The following ATP2B1 variants were observed in gnomAD, a reference collection of about 807,000 sequenced individuals.
ATP2B1 encodes the protein ATPase plasma membrane Ca2+ transporting 1.
In ATP2B1, 14 loss-of-function variants were observed where a neutral mutation model predicts 124.2. The observed-to-expected ratio is 0.11, with a 90% confidence interval of 0.07 to 0.18. The LOEUF (loss-of-function observed/expected upper bound fraction) is 0.18, where lower values mean the gene tolerates loss of function less well. Among genes scored for constraint, ATP2B1 ranks in the 10% least tolerant of loss-of-function variants. The probability of loss-of-function intolerance (pLI) is 1.00; values close to 1 mark genes in which losing one functional copy is unlikely to be tolerated. For missense variants in ATP2B1, 763 were observed against 1,466.1 expected (o/e 0.52, Z 7.83); for synonymous variants, 449 against 492.4 (o/e 0.91, Z 1.17).
intron 1 of ATP2B1, among the ~76,000 whole-genome samples, chr12:89,692,004 AG>A (rs1890608980): frequency 6.6e-6 from 1 of 152,180 alleles, no homozygotes; most frequent in Non-Finnish European, 1.5e-5. Flanking sequence ...TTCATGCATT[AG>A]TACTCAGGGT....
intron 20 of ATP2B1, 54 bp downstream of exon 20, chr12:89,599,063 G>A: frequency 1.3e-6 from 2 of 1,573,046 alleles, no homozygotes; most frequent in Non-Finnish European, 1.7e-6. Flanking sequence ...CTCCTCCCCA[G>A]GTCAAAAAGC....
At chr12:89,689,461 C>T (rs1439781755) in intron 1 of ATP2B1, among the ~76,000 whole-genome samples, 2 of 152,106 alleles carry the variant, frequency 1.3e-5, no homozygotes, top group Admixed American at 1.3e-4. Flanking sequence ...CACTCTGTCT[C>T]CCAACCTACC....
intron 15 of ATP2B1, among the ~76,000 whole-genome samples, chr12:89,606,320 A>G (rs1158870394): frequency 6.6e-6 from 1 of 152,216 alleles, no homozygotes; most frequent in Non-Finnish European, 1.5e-5. Context: ...ATTCAGAGAT[A>G]TAAAGGTACA....
At chr12:89,634,409 A>T (rs1882364681) in intron 5 of ATP2B1, among the ~76,000 whole-genome samples, 1 of 152,208 alleles carries the variant, frequency 6.6e-6, no homozygotes, top group Non-Finnish European at 1.5e-5. Context: ...TTAAACATAT[A>T]TTCATTCTTT....
intron 12 of ATP2B1, chr12:89,612,183 T>C (rs1878140527): frequency 6.6e-6 from 1 of 152,206 alleles, no homozygotes; most frequent in Non-Finnish European, 1.5e-5. Flanking sequence ...GTAGAGTTTT[T>C]TATTTTTTAA....
chr12:89,699,632 G>C (rs1167014599), intron 1 of ATP2B1, among the ~76,000 whole-genome samples: 2 of 152,282 alleles, frequency 1.3e-5, no homozygotes, highest in East Asian at 3.9e-4. Flanking sequence ...CAAGACAAGT[G>C]GGCTTTTTAG....
At chr12:89,662,137 C>CTTT (rs74395562) in intron 1 of ATP2B1, among the ~76,000 whole-genome samples, 1 of 139,196 alleles carries the variant, frequency 7.2e-6, no homozygotes. Context: ...ATCTTTCTTT[C>CTTT]TTTTTTTTTT....
chr12:89,643,143 C>T (rs1301493261), intron 2 of ATP2B1, among the ~76,000 whole-genome samples: 2 of 146,848 alleles, frequency 1.4e-5, no homozygotes, highest in Non-Finnish European at 3.0e-5. Flanking sequence ...TGTATATACA[C>T]GTGTATATGT....
At chr12:89,676,258 G>A (rs923204208) in intron 1 of ATP2B1, among the ~76,000 whole-genome samples, 2 of 152,132 alleles carry the variant, frequency 1.3e-5, no homozygotes, top group Admixed American at 1.3e-4. Flanking sequence ...TACCTTGGAT[G>A]TACAAAATCA....
At chr12:89,681,871 A>G (rs549930491) in intron 1 of ATP2B1, among the ~76,000 whole-genome samples, 5 of 152,332 alleles carry the variant, frequency 3.3e-5, no homozygotes, top group Non-Finnish European at 4.4e-5. Flanking sequence ...GATGCCTGCT[A>G]GTTCCACTAC....
intron 1 of ATP2B1, among the ~76,000 whole-genome samples, chr12:89,662,152 T>C (rs571492383): frequency 6.6e-6 from 1 of 151,092 alleles, no homozygotes; most frequent in Non-Finnish European, 1.5e-5. Flanking sequence ...TTTTTTTTTT[T>C]AACACGAGAC....
At chr12:89,622,757 A>G (rs1880213271) in intron 9 of ATP2B1, among the ~76,000 whole-genome samples, 1 of 152,186 alleles carries the variant, frequency 6.6e-6, no homozygotes. Context: ...AGAATCCATA[A>G]AGACTATACC....
intron 3 of ATP2B1, among the ~76,000 whole-genome samples, chr12:89,640,442 G>T (rs561132661): frequency 6.6e-6 from 1 of 152,206 alleles, no homozygotes; most frequent in South Asian, 2.1e-4. Context: ...AATGAATATT[G>T]TGACAAATAA....
In ATP2B1 at chr12:89,611,375, G is replaced by A. The variant is rs201723832; in HGVS notation, c.2068-3C>T. ...CACTTTTTAATTGCATCTGGCACCT[G>A]GTTTACATTAAAAAAAAAAATTACA... On this transcript the variant is annotated splice_polypyrimidine_tract_variant and splice_region_variant and intron_variant, in intron 12 of 20. Coordinates refer to ENST00000428670, the MANE Select transcript of ATP2B1 (RefSeq NM_001366521.1). 184 of 1,484,056 alleles carry A rather than the reference G, an allele frequency of 1.2e-4. No individual in the cohort carries two copies. Among genetic ancestry groups the A allele is most frequent in the Non-Finnish European group, 1.5e-4 (171 of 1,117,022 alleles). 91.9% of individuals were successfully genotyped at this position (1,484,056 alleles called of 1,614,324 possible). A position where few individuals can be genotyped will look rare whatever the true frequency, so the allele number is the denominator to read the frequency against.
At chr12:89,614,373 A>G (rs1231055506) in intron 12 of ATP2B1, among the ~76,000 whole-genome samples, 1 of 152,142 alleles carries the variant, frequency 6.6e-6, no homozygotes, top group Non-Finnish European at 1.5e-5. Flanking sequence ...ATAAAAAAAC[A>G]ACCTTTGAAT....
chr12:89,676,327 T>C (rs1401674215), intron 1 of ATP2B1, among the ~76,000 whole-genome samples: 2 of 152,180 alleles, frequency 1.3e-5, no homozygotes, highest in Non-Finnish European at 2.9e-5. Context: ...GTTGCTAGAA[T>C]TACTGGTGAT....
intron 1 of ATP2B1, among the ~76,000 whole-genome samples, chr12:89,679,896 G>A (rs1889125015): frequency 1.3e-5 from 2 of 152,180 alleles, no homozygotes; most frequent in South Asian, 4.2e-4. Flanking sequence ...AGGGCTTCTG[G>A]GGGAGAAGAT....
intron 1 of ATP2B1, among the ~76,000 whole-genome samples, chr12:89,688,979 T>C (rs988089778): frequency 6.6e-6 from 1 of 152,128 alleles, no homozygotes; most frequent in Admixed American, 6.6e-5. Flanking sequence ...TCAACCTTAG[T>C]TGTTATTTAG....
intron 1 of ATP2B1, among the ~76,000 whole-genome samples, chr12:89,703,264 T>C (rs1202311802): frequency 2.6e-5 from 4 of 152,220 alleles, no homozygotes; most frequent in Non-Finnish European, 4.4e-5. Context: ...GTGGATATGG[T>C]ATTAGATAAA....
Sources: gnomAD v4.1 joint callset for allele counts (sites outside exome capture counted in the v4.1 genomes callset) on GRCh38, gnomAD v4.1.1 for gene constraint, MANE v1.5 for transcripts, NCBI Gene and HGNC (gene_info 2026-07-23, HGNC 2026-07-21) for gene names.